Variants in AGMO observed in about 807,000 individuals in gnomAD.
The protein encoded by AGMO is alkylglycerol monooxygenase.
In AGMO, 75 loss-of-function variants were observed where a neutral mutation model predicts 60.2. The observed-to-expected ratio is 1.25, with a 90% confidence interval of 1.03 to 1.51. The LOEUF (loss-of-function observed/expected upper bound fraction) is 1.51, where lower values mean the gene tolerates loss of function less well. AGMO is among the 40% of genes most tolerant of loss of function. The pLI is 0.00. For missense variants in AGMO, 763 were observed against 525.5 expected (o/e 1.45, Z -4.42); for synonymous variants, 261 against 177.1 (o/e 1.47, Z -3.76).
At chr7:15,161,751 A>T in the AGMO span, among the ~76,000 whole-genome samples, 1 of 151,914 alleles carries the variant, frequency 6.6e-6, no homozygotes, top group South Asian at 2.1e-4. Context: ...ACCCCTCCAC[A>T]CACGCACACC....
intron 5 of AGMO, among the ~76,000 whole-genome samples, chr7:15,414,164 C>A (rs940533215): frequency 2.0e-5 from 3 of 151,988 alleles, no homozygotes; most frequent in African/African-American, 7.2e-5. Flanking sequence ...CCTGCCACCA[C>A]ACCCAGCTAA....
chr7:15,298,096 A>G (rs995806266), intron 12 of AGMO, among the ~76,000 whole-genome samples: 2 of 152,142 alleles, frequency 1.3e-5, no homozygotes, highest in Non-Finnish European at 2.9e-5. Flanking sequence ...AAACAAACAT[A>G]TTATGTTATG....
Position 15,547,805 on chromosome 7 carries a change from G to A in AGMO, c.258-2882C>T, listed in dbSNP as rs571503555. ...GCAGCCGGGAAGCTCCAACTGGGTG[G>A]AACCCACCACAGCTCAAGGAGGCCT... On this transcript the variant is annotated intron_variant, in intron 2 of 12. Coordinates refer to ENST00000342526, the MANE Select transcript of AGMO (RefSeq NM_001004320.2). Among the ~76,000 whole-genome samples, 32 of 151,990 alleles carry A rather than the reference G, an allele frequency of 2.1e-4. 1 individual carries two copies. The East Asian group carries it at 6.0e-3, about 29-fold the overall frequency.
intron 8 of AGMO, 63 bp from the exon 9 acceptor site, chr7:15,387,603 A>T: frequency 1.1e-5 from 16 of 1,399,036 alleles, no homozygotes; most frequent in Non-Finnish European, 1.6e-5. Flanking sequence ...AAATACCAAA[A>T]GTTATGTATA....
At chr7:15,441,500 G>A (rs567653822) in intron 3 of AGMO, among the ~76,000 whole-genome samples, 90 of 152,232 alleles carry the variant, frequency 5.9e-4, no homozygotes, top group African/African-American at 1.7e-3. Context: ...GCTTTACATA[G>A]ATTGAAAGCA....
chr7:15,441,346 A>G (rs1781548521), intron 3 of AGMO, among the ~76,000 whole-genome samples: 1 of 152,204 alleles, frequency 6.6e-6, no homozygotes. Context: ...TTTATGTTGC[A>G]TGAAAATCTT....
intron 12 of AGMO, among the ~76,000 whole-genome samples, chr7:15,241,427 T>G (rs908638194): frequency 3.4e-5 from 4 of 116,448 alleles, no homozygotes; most frequent in Admixed American, 1.3e-4. Context: ...GCCACTGCAG[T>G]CCAGCTTGGG....
downstream of AGMO, among the ~76,000 whole-genome samples, chr7:15,196,344 C>T (rs561232166): frequency 1.3e-5 from 2 of 152,240 alleles, no homozygotes; most frequent in Admixed American, 6.5e-5. Flanking sequence ...CCACCACGCC[C>T]GGCTGGCTCC....
chr7:15,263,408 T>TA (rs1208581850), intron 12 of AGMO, among the ~76,000 whole-genome samples: 1 of 43,228 alleles, frequency 2.3e-5, no homozygotes, highest in Non-Finnish European at 3.8e-5. Flanking sequence ...AGAATGGGCA[T>TA]AATAAAAAAA....
the AGMO span, among the ~76,000 whole-genome samples, chr7:15,157,663 C>A: frequency 1.3e-5 from 2 of 152,160 alleles, no homozygotes; most frequent in Non-Finnish European, 2.9e-5. Context: ...GGGGGACAAG[C>A]CTGGCTTTCC....
chr7:15,321,280 C>T (rs1023306623), intron 12 of AGMO, among the ~76,000 whole-genome samples: 2 of 152,098 alleles, frequency 1.3e-5, no homozygotes, highest in Non-Finnish European at 2.9e-5. Context: ...CAAAGAGGGG[C>T]TGCCACAAAC....
the AGMO span, among the ~76,000 whole-genome samples, chr7:15,140,160 C>T: frequency 6.6e-6 from 1 of 151,770 alleles, no homozygotes; most frequent in Non-Finnish European, 1.5e-5. Flanking sequence ...GCTTTTGAGA[C>T]TGAGCTCCAA....
chr7:15,444,717 G>C (rs529572550), intron 3 of AGMO, among the ~76,000 whole-genome samples: 2 of 152,180 alleles, frequency 1.3e-5, no homozygotes, highest in East Asian at 3.9e-4. Context: ...CACTCTGCTG[G>C]TTTTTCATGG....
chr7:15,543,065 C>A (rs1461162788), intron 3 of AGMO, among the ~76,000 whole-genome samples: 1 of 152,126 alleles, frequency 6.6e-6, no homozygotes, highest in Non-Finnish European at 1.5e-5. Flanking sequence ...ACACAGAGAG[C>A]TCAGTTATTC....
chr7:15,352,294 T>C (rs781043557), intron 12 of AGMO, among the ~76,000 whole-genome samples: 18 of 152,076 alleles, frequency 1.2e-4, no homozygotes, highest in Non-Finnish European at 1.8e-4. Flanking sequence ...ATTTAAAAAA[T>C]TTTTATGACG....
chr7:15,192,429 C>T, the AGMO span, among the ~76,000 whole-genome samples: 42 of 152,128 alleles, frequency 2.8e-4, no homozygotes, highest in African/African-American at 1.0e-3. Flanking sequence ...ACAGGACAGC[C>T]AAACTCCAGG....
intron 8 of AGMO, among the ~76,000 whole-genome samples, chr7:15,388,374 G>C: frequency 6.6e-6 from 1 of 152,228 alleles, no homozygotes; most frequent in South Asian, 2.1e-4. Context: ...TAATGGAATA[G>C]ATCTGAGGAA....
At chr7:15,117,752 C>T in the AGMO span, among the ~76,000 whole-genome samples, 1 of 151,786 alleles carries the variant, frequency 6.6e-6, no homozygotes, top group Non-Finnish European at 1.5e-5. Context: ...ACTGTTACGT[C>T]CAATGAGAAA....
At chr7:15,533,737 C>T (rs1318999604) in intron 3 of AGMO, among the ~76,000 whole-genome samples, 1 of 152,102 alleles carries the variant, frequency 6.6e-6, no homozygotes, top group Non-Finnish European at 1.5e-5. Context: ...CTGATGAAAT[C>T]AGATTTCTTG....
Sources: gnomAD v4.1 joint callset for allele counts (sites outside exome capture counted in the v4.1 genomes callset) on GRCh38, gnomAD v4.1.1 for gene constraint, MANE v1.5 for transcripts, NCBI Gene and HGNC (gene_info 2026-07-23, HGNC 2026-07-21) for gene names.